The following TENM4 variants were observed in gnomAD, a reference collection of about 807,000 sequenced individuals.
TENM4 encodes teneurin-4.
TENM4 carries 82 observed loss-of-function variants against 243.3 expected under a neutral mutation model. That is an observed-to-expected ratio of 0.34 (90% confidence interval 0.28 to 0.40). TENM4 has a LOEUF of 0.40. TENM4 is among the 10% of genes least tolerant of loss of function. The pLI, the probability that TENM4 is intolerant of heterozygous loss-of-function variation, is 1.00. For synonymous variants in TENM4, 1,412 were observed against 1,456.3 expected, an observed-to-expected ratio of 0.97 and a Z score of 0.69; for missense variants, 3,138 against 3,673.3, an observed-to-expected ratio of 0.85 and a Z score of 3.77.
chr11:79,327,765 C>T (rs765504568), intron 1 of TENM4, among the ~76,000 whole-genome samples: 18 of 149,944 alleles, frequency 1.2e-4, no homozygotes, highest in Non-Finnish European at 2.4e-4. Flanking sequence ...GTCCAGTGAT[C>T]TGAATCCTGG....
At chr11:79,087,747 T>C (rs546371055) in intron 4 of TENM4, among the ~76,000 whole-genome samples, 8 of 152,342 alleles carry the variant, frequency 5.3e-5, no homozygotes, top group African/African-American at 1.9e-4. Flanking sequence ...AGAATGTCCT[T>C]AATCACTCTG....
chr11:79,074,601 A>G (rs1006020079), intron 4 of TENM4, among the ~76,000 whole-genome samples: 3 of 152,124 alleles, frequency 2.0e-5, no homozygotes, highest in Middle Eastern at 3.2e-3. Context: ...GCAGACTCAT[A>G]TGCTCCATTT....
At chr11:78,872,439 C>T (rs1255417885) in intron 9 of TENM4, among the ~76,000 whole-genome samples, 1 of 152,188 alleles carries the variant, frequency 6.6e-6, no homozygotes, top group Non-Finnish European at 1.5e-5. Flanking sequence ...GTCAGCATTG[C>T]CCTTTGGGTG....
In TENM4 at chr11:79,363,984, T is replaced by C. The variant is rs566359422; in HGVS notation, c.-320-66441A>G. 3.3e-5 allele frequency among the ~76,000 whole-genome samples: 5 copies of C among 152,338 alleles called. No individual in the cohort carries two copies. In the East Asian group the frequency reaches 9.6e-4, roughly 29 times the overall value. On this transcript the variant is annotated intron_variant, in intron 1 of 33. Transcript: ENST00000278550. ...TTCTGGGTCTGGTCCTTCAACTTAA[T>C]GTTCAATTACTTTGATGTTTTCACT...
chr11:78,937,283 C>T (rs492727), intron 6 of TENM4, among the ~76,000 whole-genome samples: 137,759 of 152,164 alleles, frequency 0.91, 62,909 homozygotes, highest in Non-Finnish European at 0.97. Flanking sequence ...AAAGAGAGAT[C>T]GTGCTACAAA....
At position 78,812,279 on chromosome 11, in the gene TENM4, G is replaced by A. The variant is rs935269889; in HGVS notation, c.1821C>T (p.Tyr607=). Residue 607 remains tyrosine (Y), a synonymous_variant, in exon 14 of 34, where the codon TAC becomes TAT. Transcript: ENST00000278550. ...TGTGGCACAAGCATCTGCCTTTCAT[G>A]TATTGGCCATTTCCGCTACAGAGCA... The part of the protein sequence containing the change: ...CPVLCSGNGQ[Y]MKGRCLCHSG... 3 of 1,551,898 alleles carry A rather than the reference G, an allele frequency of 1.9e-6. No individual in the cohort carries two copies. The highest frequency in any genetic ancestry group is 2.6e-6 in the Non-Finnish European group (3 of 1,147,066).
At chr11:78,950,232 A>G (rs770774635) in intron 6 of TENM4, among the ~76,000 whole-genome samples, 26 of 152,208 alleles carry the variant, frequency 1.7e-4, no homozygotes, top group Non-Finnish European at 2.8e-4. Flanking sequence ...CTTGTCATCC[A>G]CACAGGGCCC....
chr11:79,131,607 A>C (rs973715798), intron 4 of TENM4, among the ~76,000 whole-genome samples: 1 of 152,212 alleles, frequency 6.6e-6, no homozygotes, highest in Non-Finnish European at 1.5e-5. Context: ...GAACCTATAA[A>C]ACAAAAATAC....
intron 7 of TENM4, among the ~76,000 whole-genome samples, chr11:78,897,755 C>T (rs1396033187): frequency 2.6e-5 from 4 of 152,250 alleles, no homozygotes; most frequent in South Asian, 2.1e-4. Flanking sequence ...TTCTCTGCAA[C>T]GCTCTGGGGC....
intron 4 of TENM4, among the ~76,000 whole-genome samples, chr11:79,087,830 T>C (rs1860845914): frequency 6.6e-6 from 1 of 152,164 alleles, no homozygotes; most frequent in African/African-American, 2.4e-5. Flanking sequence ...GTCACCAGGG[T>C]ATACAGGACA....
At chr11:79,169,289 A>G (rs1862986787) in intron 3 of TENM4, among the ~76,000 whole-genome samples, 1 of 152,246 alleles carries the variant, frequency 6.6e-6, no homozygotes. Context: ...ACCCTGGCAC[A>G]TCTGTGAATT....
At chr11:79,126,979 G>A (rs1433069599) in intron 4 of TENM4, among the ~76,000 whole-genome samples, 1 of 152,214 alleles carries the variant, frequency 6.6e-6, no homozygotes, top group Non-Finnish European at 1.5e-5. Flanking sequence ...TGATCCTCCA[G>A]TTAAAGTAGG....
At chr11:79,236,773 A>G (rs1292164876) in intron 2 of TENM4, among the ~76,000 whole-genome samples, 2 of 152,170 alleles carry the variant, frequency 1.3e-5, no homozygotes, top group Admixed American at 1.3e-4. Flanking sequence ...CCCAAGTTCT[A>G]TGGAGCAAAT....
At chr11:79,037,271 C>T (rs982681283) in intron 6 of TENM4, among the ~76,000 whole-genome samples, 9 of 152,160 alleles carry the variant, frequency 5.9e-5, no homozygotes, top group African/African-American at 2.2e-4. Context: ...AGGCAGCCCT[C>T]AACTACATGG....
At chr11:78,772,760 A>G (rs894212834) in intron 17 of TENM4, among the ~76,000 whole-genome samples, 2 of 152,242 alleles carry the variant, frequency 1.3e-5, no homozygotes, top group African/African-American at 4.8e-5. Flanking sequence ...TCCACACAAC[A>G]ACCAAGCAAT....
intron 2 of TENM4, among the ~76,000 whole-genome samples, chr11:79,267,268 A>T (rs1367789471): frequency 2.0e-5 from 3 of 152,168 alleles, no homozygotes; most frequent in African/African-American, 7.2e-5. Context: ...CCTATTGCAA[A>T]GCCTTCTTGT....
At chr11:79,323,129 CACA>C (rs1219287060) in intron 1 of TENM4, among the ~76,000 whole-genome samples, 5 of 152,334 alleles carry the variant, frequency 3.3e-5, no homozygotes, top group Admixed American at 3.3e-4. Context: ...CACAGTTCCA[CACA>C]ACAAGTCTTA....
intron 2 of TENM4, among the ~76,000 whole-genome samples, chr11:79,238,359 T>A (rs954946429): frequency 2.6e-5 from 4 of 152,114 alleles, no homozygotes; most frequent in African/African-American, 9.7e-5. Flanking sequence ...GAGACCCCCC[T>A]CAACAATGTG....
intron 10 of TENM4, among the ~76,000 whole-genome samples, chr11:78,861,872 G>T (rs1858828276): frequency 6.6e-6 from 1 of 152,218 alleles, no homozygotes; most frequent in Non-Finnish European, 1.5e-5. Flanking sequence ...AGAGAAAGCA[G>T]GCCATAGCAG....
Sources: allele counts gnomAD v4.1 joint callset (sites outside exome capture counted in the v4.1 genomes callset), GRCh38; gene constraint gnomAD v4.1.1; transcripts MANE v1.5; gene names NCBI Gene and HGNC (gene_info 2026-07-23, HGNC 2026-07-21).